The following GEMIN5 variants were observed in gnomAD, a reference collection of about 807,000 sequenced individuals.
GEMIN5 encodes the protein gem nuclear organelle associated protein 5.
In GEMIN5, 124 loss-of-function variants were observed where a neutral mutation model predicts 176.9. The ratio of observed to expected loss-of-function variants is 0.70; its 90% CI spans 0.61 to 0.81. The LOEUF (loss-of-function observed/expected upper bound fraction) is 0.81. Ranked by LOEUF, GEMIN5 falls within the 40% of genes least tolerant of loss-of-function variation. The pLI is 0.00. For synonymous variants in GEMIN5, 673 were observed against 665.2 expected, an observed-to-expected ratio of 1.01 and a Z score of -0.18; for missense variants, 1,843 against 1,814.6, an observed-to-expected ratio of 1.02 and a Z score of -0.28.
chr5:154,903,265 C>T (rs751382600), intron 18 of GEMIN5, 90 bp from the exon 19 acceptor site: 22 of 820,434 alleles, frequency 2.7e-5, no homozygotes, highest in Non-Finnish European at 4.3e-5. Flanking sequence ...ATGTTTGGAA[C>T]ACCCACTTCA....
chr5:154,909,836 T>G (rs1763657600), intron 15 of GEMIN5, among the ~76,000 whole-genome samples: 1 of 151,970 alleles, frequency 6.6e-6, no homozygotes, highest in South Asian at 2.1e-4. Context: ...AACAATTAGC[T>G]GGGTGTGAGG....
intron 25 of GEMIN5, 22 bp downstream of exon 25, chr5:154,892,365 C>T: frequency 6.2e-7 from 1 of 1,601,932 alleles, no homozygotes; most frequent in Non-Finnish European, 8.5e-7. Flanking sequence ...GGGTGTGCCT[C>T]AGGCAGCAGG....
chr5:154,924,574 C>T lies in GEMIN5; in HGVS notation c.1294-20G>A, dbSNP rs1298508739. On this transcript the variant is annotated intron_variant, in intron 8 of 27. Coordinates refer to ENST00000285873, the MANE Select transcript of GEMIN5 (RefSeq NM_015465.5). ...GCACAGCTACAAAAAAAAGAGTTTC[C>T]AAGTGAGAATATAAGAAGTGGGGCA... The T allele has an allele frequency of 5.9e-6, 9 of 1,534,628 alleles. No homozygotes were observed. The highest frequency in any genetic ancestry group is 8.1e-6 in the Non-Finnish European group (9 of 1,109,774).
intron 5 of GEMIN5, among the ~76,000 whole-genome samples, chr5:154,930,144 T>C (rs1764132295): frequency 6.6e-6 from 1 of 152,198 alleles, no homozygotes; most frequent in Admixed American, 6.5e-5. Flanking sequence ...GCCATAACCA[T>C]TTTTCCTGCC....
intron 11 of GEMIN5, 98 bp downstream of exon 11, chr5:154,919,869 G>T: frequency 9.8e-7 from 1 of 1,015,466 alleles, no homozygotes; most frequent in South Asian, 1.5e-5. Flanking sequence ...TTAGTATGAT[G>T]ATGGTAATCT....
intron 8 of GEMIN5, among the ~76,000 whole-genome samples, chr5:154,925,119 T>C (rs1334175780): frequency 5.3e-5 from 8 of 151,888 alleles, no homozygotes; most frequent in Admixed American, 5.2e-4. Context: ...TATACACAAT[T>C]GAAAAAAACA....
intron 9 of GEMIN5, among the ~76,000 whole-genome samples, chr5:154,921,694 T>C (rs1763925375): frequency 6.6e-6 from 1 of 152,264 alleles, no homozygotes; most frequent in African/African-American, 2.4e-5. Flanking sequence ...CCCCAAAAAA[T>C]GTTACTCTTA....
At chr5:154,894,183 G>C (rs571302183) in intron 24 of GEMIN5, among the ~76,000 whole-genome samples, 1 of 152,170 alleles carries the variant, frequency 6.6e-6, no homozygotes, top group South Asian at 2.1e-4. Context: ...GAGCTCAAGC[G>C]ATCCACCCGC....
At chr5:154,913,530 A>G (rs1763749385) in intron 13 of GEMIN5, among the ~76,000 whole-genome samples, 1 of 152,214 alleles carries the variant, frequency 6.6e-6, no homozygotes, top group Non-Finnish European at 1.5e-5. Context: ...AAGATTTTAA[A>G]AAGTCTGGCT....
intron 18 of GEMIN5, 78 bp from the exon 19 acceptor site, chr5:154,903,253 A>G: frequency 1.1e-6 from 1 of 942,846 alleles, no homozygotes; most frequent in South Asian, 1.4e-5. Context: ...ACTTCCGAAT[A>G]TATGTTTGGA....
chr5:154,932,871 TCTAA>T (rs1764196834), intron 3 of GEMIN5, among the ~76,000 whole-genome samples: 1 of 152,214 alleles, frequency 6.6e-6, no homozygotes, highest in Non-Finnish European at 1.5e-5. Context: ...GGCCAACTCT[TCTAA>T]CTAGAGATAA....
intron 11 of GEMIN5, among the ~76,000 whole-genome samples, chr5:154,919,003 C>T (rs774734576): frequency 6.6e-6 from 1 of 151,978 alleles, no homozygotes; most frequent in Non-Finnish European, 1.5e-5. Flanking sequence ...ATCGCACCAC[C>T]GCACTCCAGC....
At chr5:154,916,872 A>G (rs1763820375) in intron 13 of GEMIN5, 126 bp downstream of exon 13, 1 of 484,436 alleles carries the variant, frequency 2.1e-6, no homozygotes, top group Non-Finnish European at 3.5e-6. Flanking sequence ...TTTGAAACAG[A>G]AAAAGTAGTA....
At chr5:154,907,474 C>G in intron 16 of GEMIN5, 117 bp downstream of exon 16, 2 of 417,442 alleles carry the variant, frequency 4.8e-6, no homozygotes, top group Non-Finnish European at 8.4e-6. Flanking sequence ...AAAACTAATG[C>G]TGTTTCCAAG....
Position 154,931,571 on chromosome 5 carries a change from GCTT to G in GEMIN5, c.665_667del (p.Glu222del). On this transcript the variant is annotated inframe_deletion, in exon 5 of 28. Transcript: ENST00000285873. ...TACAGCATTCCCGTTGGTAATTTCA[GCTT>G]CTTCTATGAGATAGGTGGCAATTTT... 1 of 1,598,418 alleles carries G rather than the reference GCTT, an allele frequency of 6.3e-7. No homozygotes were observed. The highest frequency in any genetic ancestry group is 2.2e-5 in the East Asian group (1 of 44,482).
intron 18 of GEMIN5, among the ~76,000 whole-genome samples, chr5:154,903,778 G>A (rs931787103): frequency 1.3e-5 from 2 of 151,874 alleles, no homozygotes; most frequent in Non-Finnish European, 2.9e-5. Context: ...CATTCCTGGG[G>A]AGGAGAAACA....
In GEMIN5 at chr5:154,938,061, C is replaced by CG; in HGVS notation, c.72dup (p.Gly25ArgfsTer106). On this transcript the variant is annotated frameshift_variant, in exon 1 of 28. Transcript: ENST00000285873. LOFTEE classifies it high-confidence loss of function. Reference sequence around the variant, plus strand: ...CGCGCGGCGAAGCCAAAGAGGCCCCCGGGCACGGCATCGCTGCAGCGGGCG... The same window carrying CG: ...CGCGCGGCGAAGCCAAAGAGGCCCCCGGGGCACGGCATCGCTGCAGCGGGCG... The CG allele has an allele frequency of 6.5e-7, 1 of 1,530,724 alleles. No individual in the cohort carries two copies. Among genetic ancestry groups the CG allele is most frequent in the South Asian group, 1.2e-5 (1 of 82,508 alleles). The allele number at this position is 1,530,724 out of a possible 1,614,324, so 94.8% of individuals were successfully genotyped here. A position where few individuals can be genotyped will look rare whatever the true frequency, so the allele number is the denominator to read the frequency against.
chr5:154,899,145 A>G, intron 22 of GEMIN5, 46 bp downstream of exon 22: 1 of 1,553,512 alleles, frequency 6.4e-7, no homozygotes, highest in Non-Finnish European at 8.7e-7. Flanking sequence ...CCTTCCTGGC[A>G]GAAGCTCTCC....
Position 154,891,237 on chromosome 5 carries a change from T to C in GEMIN5, c.4262+4A>G. ...TTCCGTCTTGTACTTGCCTCAGTAC[T>C]TACCACTGGCTCTGAGAACTGCAGA... On this transcript the variant is annotated splice_donor_region_variant and intron_variant, in intron 26 of 27. Transcript: ENST00000285873. 1 of 1,611,922 alleles carries C rather than the reference T, an allele frequency of 6.2e-7. No individual in the cohort carries two copies. Among genetic ancestry groups the C allele is most frequent in the Non-Finnish European group, 8.5e-7 (1 of 1,178,494 alleles).
Sources: allele counts gnomAD v4.1 joint callset (sites outside exome capture counted in the v4.1 genomes callset), GRCh38; gene constraint gnomAD v4.1.1; transcripts MANE v1.5; gene names NCBI Gene and HGNC (gene_info 2026-07-23, HGNC 2026-07-21).